CCDC138: variants seen among roughly 807,000 people sequenced by gnomAD.
CCDC138 encodes the protein coiled-coil domain-containing protein 138.
In CCDC138, 66 loss-of-function variants were observed where a neutral mutation model predicts 82.3. The observed-to-expected ratio is 0.80, with a 90% CI of 0.66 to 0.98. The LOEUF is 0.98. Ranked by LOEUF, CCDC138 falls within the 50% of genes least tolerant of loss-of-function variation. The pLI is 0.00. For synonymous variants in CCDC138, 297 were observed against 265.4 expected, an observed-to-expected ratio of 1.12 and a Z score of -1.16; for missense variants, 816 against 758.9, an observed-to-expected ratio of 1.08 and a Z score of -0.88.
intron 14 of CCDC138, among the ~76,000 whole-genome samples, chr2:108,874,646 G>A (rs1695758964): frequency 6.6e-6 from 1 of 152,102 alleles, no homozygotes; most frequent in Non-Finnish European, 1.5e-5. Flanking sequence ...GAAATTATTT[G>A]TAGATAGGGA....
chr2:108,794,013 T>G (rs748333382), intron 4 of CCDC138, among the ~76,000 whole-genome samples: 33 of 152,154 alleles, frequency 2.2e-4, no homozygotes, highest in Non-Finnish European at 2.8e-4. Flanking sequence ...GTATACAGTG[T>G]TTGCAAAATA....
At chr2:108,809,116 A>T (rs1431299074) in intron 7 of CCDC138, among the ~76,000 whole-genome samples, 1 of 152,174 alleles carries the variant, frequency 6.6e-6, no homozygotes, top group Non-Finnish European at 1.5e-5. Context: ...GTAGAAAATC[A>T]GTTGGCTGTA....
chr2:108,842,634 T>C (rs537942029), intron 11 of CCDC138, among the ~76,000 whole-genome samples: 1 of 152,248 alleles, frequency 6.6e-6, no homozygotes, highest in Middle Eastern at 3.4e-3. Flanking sequence ...GCGGGCTTCA[T>C]CTAGCTATTC....
intron 6 of CCDC138, among the ~76,000 whole-genome samples, chr2:108,800,922 C>A (rs1330174791): frequency 8.6e-6 from 1 of 116,828 alleles, no homozygotes; most frequent in Non-Finnish European, 1.8e-5. Context: ...ATGATGGTTT[C>A]CAGTTTCATC....
chr2:108,822,722 A>G (rs1002201730), intron 10 of CCDC138, among the ~76,000 whole-genome samples: 5 of 152,240 alleles, frequency 3.3e-5, no homozygotes, highest in African/African-American at 9.6e-5. Context: ...AGAAATCCCA[A>G]GGAAAATTGG....
At chr2:108,875,932 GTT>G (rs1695964557) in intron 14 of CCDC138, 154 bp from the exon 15 acceptor site, 1 of 165,470 alleles carries the variant, frequency 6.0e-6, no homozygotes, top group Non-Finnish European at 1.2e-5. Context: ...TATTTTGTTT[GTT>G]TCAGCATTCT....
At chr2:108,811,367 C>T (rs1314204463) in intron 7 of CCDC138, among the ~76,000 whole-genome samples, 4 of 151,002 alleles carry the variant, frequency 2.6e-5, no homozygotes, top group African/African-American at 9.7e-5. Context: ...GCTTCAGCCT[C>T]CTTAGTAGCT....
intron 10 of CCDC138, among the ~76,000 whole-genome samples, chr2:108,820,301 A>G (rs1685461266): frequency 6.6e-6 from 1 of 152,192 alleles, no homozygotes; most frequent in African/African-American, 2.4e-5. Flanking sequence ...AAAAAAACGA[A>G]GAAAAGTGAC....
intron 12 of CCDC138, among the ~76,000 whole-genome samples, chr2:108,848,968 A>G (rs763948358): frequency 1.3e-5 from 2 of 152,232 alleles, no homozygotes; most frequent in African/African-American, 4.8e-5. Flanking sequence ...TATTATAACT[A>G]TATCCCTGTG....
chr2:108,788,216 C>A (rs1217215082), intron 2 of CCDC138, 127 bp downstream of exon 2: 42 of 834,104 alleles, frequency 5.0e-5, no homozygotes, highest in Non-Finnish European at 6.9e-5. Context: ...GTCAGGAGTT[C>A]GAGACCACTC....
At chr2:108,833,244 A>G (rs1019120063) in intron 10 of CCDC138, among the ~76,000 whole-genome samples, 3 of 152,200 alleles carry the variant, frequency 2.0e-5, no homozygotes, top group African/African-American at 7.2e-5. Flanking sequence ...TAAACTATAG[A>G]CTTTAGTTAA....
At chr2:108,871,613 G>A (rs953378163) in intron 13 of CCDC138, among the ~76,000 whole-genome samples, 1 of 151,858 alleles carries the variant, frequency 6.6e-6, no homozygotes, top group Non-Finnish European at 1.5e-5. Flanking sequence ...CCCATTTTTT[G>A]TACATTGTTT....
intron 7 of CCDC138, among the ~76,000 whole-genome samples, chr2:108,808,590 T>C (rs1291909153): frequency 6.6e-6 from 1 of 152,222 alleles, no homozygotes; most frequent in East Asian, 1.9e-4. Context: ...TGGTTTCGAT[T>C]TGCATTAACC....
At chr2:108,869,893 G>A (rs993895817) in intron 13 of CCDC138, among the ~76,000 whole-genome samples, 26 of 152,220 alleles carry the variant, frequency 1.7e-4, no homozygotes, top group African/African-American at 5.1e-4. Context: ...CGTAGAACAC[G>A]CAAAGAAAGG....
In CCDC138 at chr2:108,804,962, C is replaced by A; in HGVS notation, c.809C>A (p.Ser270Tyr). Residue 270 changes from serine to tyrosine, a missense_variant, in exon 7 of 15, where the codon TCC (serine) becomes TAC (tyrosine). Transcript: ENST00000295124. ...EKNKETKRLR[S>Y]SFDALKELND... ...AATAAAGAAACCAAGAGACTGAGGT[C>A]CTCTTTTGATGCATTGAAAGAATTG... 1 of 1,574,588 alleles carries A rather than the reference C, an allele frequency of 6.4e-7. No homozygotes were observed. The highest frequency in any genetic ancestry group is 8.6e-7 in the Non-Finnish European group (1 of 1,165,074).
In CCDC138 at chr2:108,812,839, C is replaced by T. The variant is rs770287573; in HGVS notation, c.953C>T (p.Thr318Ile). The change falls in exon 9 of 15, where the codon ACA (threonine) becomes ATA (isoleucine). Residue 318 changes from threonine to isoleucine, a missense_variant. Transcript: ENST00000295124. Reference sequence around the variant, plus strand: ...TTGCAGAGGAAGTACGAGTTTATGACAATACAGAGATTGAAAGGAAGTTCC... The same window carrying T: ...TTGCAGAGGAAGTACGAGTTTATGATAATACAGAGATTGAAAGGAAGTTCC... ...DNLQRKYEFM[T>I]IQRLKGSSHA... The T allele has an allele frequency of 3.7e-6, 6 of 1,612,676 alleles. No individual in the cohort carries two copies. Among genetic ancestry groups the T allele is most frequent in the Non-Finnish European group, 4.2e-6 (5 of 1,178,952 alleles).
chr2:108,825,926 T>TA (rs1686508674), intron 10 of CCDC138, among the ~76,000 whole-genome samples: 2 of 152,204 alleles, frequency 1.3e-5, no homozygotes, highest in African/African-American at 2.4e-5. Flanking sequence ...GGTCAAAACA[T>TA]ACGGATTTAA....
intron 14 of CCDC138, among the ~76,000 whole-genome samples, chr2:108,874,573 G>A (rs182131540): frequency 9.7e-4 from 147 of 152,196 alleles, no homozygotes; most frequent in Non-Finnish European, 1.7e-3. Context: ...CATGATTCCC[G>A]TGGTAGAGAA....
At chr2:108,857,235 C>T (rs928072716) in intron 13 of CCDC138, among the ~76,000 whole-genome samples, 4 of 151,812 alleles carry the variant, frequency 2.6e-5, no homozygotes, top group Admixed American at 6.6e-5. Flanking sequence ...CACGCCACCA[C>T]GCCCAGCTAA....
Sources: allele counts gnomAD v4.1 joint callset (sites outside exome capture counted in the v4.1 genomes callset), GRCh38; gene constraint gnomAD v4.1.1; transcripts MANE v1.5; gene names NCBI Gene and HGNC (gene_info 2026-07-23, HGNC 2026-07-21).